The following SLC25A13 variants were observed in gnomAD, a reference collection of about 807,000 sequenced individuals.
The protein encoded by SLC25A13 is solute carrier family 25 member 13.
In SLC25A13, 70 loss-of-function variants were observed where a neutral mutation model predicts 85.5. The ratio of observed to expected loss-of-function variants is 0.82; its 90% CI spans 0.68 to 1.00. The LOEUF is 1.00. Ranked by LOEUF, SLC25A13 falls within the 50% of genes least tolerant of loss-of-function variation. The pLI, the probability that SLC25A13 is intolerant of heterozygous loss-of-function variation, is 0.00. For missense variants in SLC25A13, 765 were observed against 819.8 expected (o/e 0.93, Z 0.82); for synonymous variants, 259 against 288.7 (o/e 0.90, Z 1.04).
rs187942047 is a variant in SLC25A13, at chr7:96,216,537, G to C, written c.329-7560C>G. Among the ~76,000 whole-genome samples, 50 of 152,232 alleles carry C rather than the reference G, an allele frequency of 3.3e-4. No individual in the cohort carries two copies. In the Middle Eastern group the frequency reaches 0.01, roughly 31 times the overall value. ...CGATAGAGTGGATAAAAAAAATGTG[G>C]TATATATACACCATGGAGTACTATG... On this transcript the variant is annotated intron_variant, in intron 4 of 17. Transcript: ENST00000265631.
In SLC25A13 at chr7:96,121,291, G is replaced by A. The variant is rs1344639277; in HGVS notation, c.1928C>T (p.Ala643Val). The A allele has an allele frequency of 6.2e-7, 1 of 1,614,040 alleles. No homozygotes were observed. The highest frequency in any genetic ancestry group is 1.3e-5 in the African/African-American group (1 of 74,914). Residue 643 changes from alanine (A) to valine (V), a missense_variant, in exon 18 of 18, where the codon GCA (alanine) becomes GTA (valine). By Grantham distance (64) the Ala-to-Val change is moderately conservative. Transcript: ENST00000265631. Reference sequence around the variant, plus strand: ...TTCAATCCCTGCAAATGTAGCAACTGCCAGTTTGTAGCCCCCAACGTGATC... The same window carrying A: ...TTCAATCCCTGCAAATGTAGCAACTACCAGTTTGTAGCCCCCAACGTGATC... The part of the protein sequence containing the change: ...NPDHVGGYKL[A>V]VATFAGIENK...
At chr7:96,302,328 C>G (rs1273625870) in intron 1 of SLC25A13, among the ~76,000 whole-genome samples, 1 of 152,076 alleles carries the variant, frequency 6.6e-6, no homozygotes, top group Non-Finnish European at 1.5e-5. Flanking sequence ...GGTAGGGGGT[C>G]ACCAGAAAAT....
chr7:96,148,463 G>A (rs995060121), intron 13 of SLC25A13, among the ~76,000 whole-genome samples: 23 of 152,200 alleles, frequency 1.5e-4, no homozygotes, highest in Non-Finnish European at 2.8e-4. Context: ...GCTATTTACG[G>A]TTGGCAGAAT....
chr7:96,134,813 A>ATATAT (rs1554337551), intron 14 of SLC25A13, among the ~76,000 whole-genome samples: 4 of 143,012 alleles, frequency 2.8e-5, no homozygotes, highest in Admixed American at 7.0e-5. Flanking sequence ...ATATATATAT[A>ATATAT]ACCCTGAGGA....
intron 13 of SLC25A13, among the ~76,000 whole-genome samples, chr7:96,162,050 C>T (rs549516397): frequency 2.6e-5 from 4 of 152,312 alleles, no homozygotes; most frequent in African/African-American, 7.2e-5. Flanking sequence ...AGCCTCACAT[C>T]ATCTTATATT....
At position 96,121,208 on chromosome 7, in the gene SLC25A13, T is replaced by C; in HGVS notation, c.2011A>G (p.Ile671Val). The stretch of plus-strand genomic sequence containing the variant: ...TGATCTTCCTATGGGCCTCCACCAA[T>C]AGCCTTTGAGGTAGATACTGATGGC... ...FKPSVSTSKA[I>V]GGGP is the part of the protein sequence containing the mutation. Residue 671 changes from isoleucine to valine, a missense_variant, in exon 18 of 18, where the codon ATT becomes GTT. Transcript: ENST00000265631. 6.2e-7 allele frequency: 1 copy of C among 1,614,114 alleles called. No individual in the cohort carries two copies. The highest frequency in any genetic ancestry group is 1.1e-5 in the South Asian group (1 of 91,076).
chr7:96,227,289 C>T (rs188520084), intron 4 of SLC25A13, among the ~76,000 whole-genome samples: 24 of 152,226 alleles, frequency 1.6e-4, no homozygotes, highest in South Asian at 1.5e-3. Context: ...TATAGACAGA[C>T]TAACACTTGT....
chr7:96,284,291 T>C (rs993157714), intron 2 of SLC25A13, among the ~76,000 whole-genome samples: 1 of 152,136 alleles, frequency 6.6e-6, no homozygotes, highest in African/African-American at 2.4e-5. Context: ...TACACAAAGA[T>C]CACAAGTTAC....
chr7:96,184,953 C>T lies in SLC25A13; in HGVS notation c.992G>A (p.Arg331Lys), dbSNP rs1794569150. Residue 331 changes from arginine to lysine, a missense_variant, in exon 10 of 18, where the codon AGG (arginine) becomes AAG (lysine). Arg to Lys is a conservative substitution (Grantham distance 26). Transcript: ENST00000265631. ...TCCAGCAACAGAACCCAGACCAAAC[C>T]TGTAGGCCGACTCTGCAACTTGTAG... Reference protein sequence around the residue: ...VLLQVAESAYRFGLGSVAGAV... With the variant: ...VLLQVAESAYKFGLGSVAGAV... 6.2e-7 allele frequency: 1 copy of T among 1,614,188 alleles called. No individual in the cohort carries two copies. The highest frequency in any genetic ancestry group is 8.5e-7 in the Non-Finnish European group (1 of 1,180,028).
chr7:96,273,601 G>A (rs978432484), intron 3 of SLC25A13, among the ~76,000 whole-genome samples: 3 of 152,182 alleles, frequency 2.0e-5, no homozygotes, highest in African/African-American at 4.8e-5. Context: ...ATGTGTGTAC[G>A]TGTTTGTGTG....
At chr7:96,142,434 T>C (rs1792604571) in intron 14 of SLC25A13, among the ~76,000 whole-genome samples, 1 of 152,220 alleles carries the variant, frequency 6.6e-6, no homozygotes, top group African/African-American at 2.4e-5. Flanking sequence ...AAGGATATAA[T>C]TTAGTTCTTT....
chr7:96,232,421 T>C (rs538915974), intron 4 of SLC25A13, among the ~76,000 whole-genome samples: 1 of 151,872 alleles, frequency 6.6e-6, no homozygotes, highest in South Asian at 2.1e-4. Context: ...ATAATAGACA[T>C]TACGGCCTAC....
chr7:96,290,538 G>A (rs569518758), intron 2 of SLC25A13, among the ~76,000 whole-genome samples: 3 of 150,342 alleles, frequency 2.0e-5, no homozygotes, highest in African/African-American at 4.9e-5. Context: ...CCCATCTCAC[G>A]TGCAGAGACA....
In SLC25A13 at chr7:96,225,072, G is replaced by A. The variant is rs117769826; in HGVS notation, c.328+9730C>T. The stretch of plus-strand genomic sequence containing the variant: ...TTATACCAAAAATACTTAGCCCAGA[G>A]GTTGGCATGTATTTTAAAATAAAAA... On this transcript the variant is annotated intron_variant, in intron 4 of 17. Transcript: ENST00000265631. Among the ~76,000 whole-genome samples the A allele has an allele frequency of 5.8e-3, 881 of 152,246 alleles. 19 individuals are homozygous for A. The East Asian group carries it at 0.06, about 10-fold the overall frequency.
chr7:96,275,500 G>T (rs1247330712), intron 3 of SLC25A13, among the ~76,000 whole-genome samples: 2 of 152,162 alleles, frequency 1.3e-5, no homozygotes, highest in African/African-American at 4.8e-5. Context: ...GTCCATCAAT[G>T]ATAGACTGGA....
rs994573207 is a variant in SLC25A13 at position 96,124,012 on chromosome 7, T to C, written c.1592-2015A>G. Among the ~76,000 whole-genome samples, 3 of 152,330 alleles carry C rather than the reference T, an allele frequency of 2.0e-5. No individual in the cohort carries two copies. In the South Asian group the frequency reaches 6.2e-4, roughly 32 times the overall value. On this transcript the variant is annotated intron_variant, in intron 15 of 17. Transcript: ENST00000265631. ...CTAGGTCCCTCAGCAGGAAAGGGACTGGCAGGCTGCCTGATTCTTCAATGA... is the reference window on the plus strand; with the variant it reads ...CTAGGTCCCTCAGCAGGAAAGGGACCGGCAGGCTGCCTGATTCTTCAATGA...
intron 13 of SLC25A13, among the ~76,000 whole-genome samples, chr7:96,168,833 G>A (rs1253039372): frequency 6.6e-6 from 1 of 152,174 alleles, no homozygotes; most frequent in Non-Finnish European, 1.5e-5. Flanking sequence ...ACAGCCTATG[G>A]ATATACCTAC....
chr7:96,267,880 G>A (rs1389822872), intron 3 of SLC25A13, among the ~76,000 whole-genome samples: 4 of 151,974 alleles, frequency 2.6e-5, no homozygotes, highest in Non-Finnish European at 5.9e-5. Flanking sequence ...CTGACAAGGC[G>A]GTATGGTGAA....
At chr7:96,180,304 G>A (rs552973400) in intron 11 of SLC25A13, among the ~76,000 whole-genome samples, 5 of 152,072 alleles carry the variant, frequency 3.3e-5, no homozygotes, top group South Asian at 2.1e-4. Flanking sequence ...AAAAATTTTC[G>A]TCTAAGAAGT....
Sources: gnomAD v4.1 joint callset for allele counts (sites outside exome capture counted in the v4.1 genomes callset) on GRCh38, gnomAD v4.1.1 for gene constraint, MANE v1.5 for transcripts, NCBI Gene and HGNC (gene_info 2026-07-23, HGNC 2026-07-21) for gene names.